The following RBFOX1 variants were observed in gnomAD, a reference collection of about 807,000 sequenced individuals.
The protein encoded by RBFOX1 is RNA binding fox-1 homolog 1.
Under a neutral mutation model 57.7 loss-of-function variants are expected in RBFOX1, and 8 were observed. The ratio of observed to expected loss-of-function variants is 0.14; its 90% CI spans 0.08 to 0.25. The LOEUF (loss-of-function observed/expected upper bound fraction) is 0.25. Ranked by LOEUF, RBFOX1 falls within the 10% of genes least tolerant of loss-of-function variation. The probability of loss-of-function intolerance (pLI) is 1.00; values close to 1 mark genes in which losing one functional copy is unlikely to be tolerated. For synonymous variants in RBFOX1, 326 were observed against 222.4 expected, an observed-to-expected ratio of 1.47 and a Z score of -4.15; for missense variants, 611 against 548.5, an observed-to-expected ratio of 1.11 and a Z score of -1.14.
At chr16:5,814,805 T>C (rs1489943606) in intron 3 of RBFOX1, among the ~76,000 whole-genome samples, 7 of 152,102 alleles carry the variant, frequency 4.6e-5, no homozygotes, top group African/African-American at 1.7e-4. Context: ...GGAGGGCGCC[T>C]GTAGTCCCAG....
intron 1 of RBFOX1, among the ~76,000 whole-genome samples, chr16:6,307,592 T>C (rs1021235234): frequency 6.7e-6 from 1 of 148,354 alleles, no homozygotes; most frequent in African/African-American, 2.4e-5. Context: ...GAAAATGATA[T>C]AACAATCTGA....
chr16:6,702,360 A>C (rs976165529), intron 3 of RBFOX1, among the ~76,000 whole-genome samples: 1 of 152,076 alleles, frequency 6.6e-6, no homozygotes, highest in African/African-American at 2.4e-5. Context: ...TCAAGACCAG[A>C]CTGGCCAACA....
chr16:7,208,621 AG>A (rs1203163887), intron 4 of RBFOX1, among the ~76,000 whole-genome samples: 1 of 152,130 alleles, frequency 6.6e-6, no homozygotes, highest in Non-Finnish European at 1.5e-5. Context: ...AGTTTGCTTC[AG>A]GGTAAGAGTT....
chr16:5,978,196 C>G (rs1022464167), intron 4 of RBFOX1, among the ~76,000 whole-genome samples: 1 of 139,178 alleles, frequency 7.2e-6, no homozygotes, highest in African/African-American at 2.7e-5. Flanking sequence ...TTCCTGTATT[C>G]CCAAATACTC....
intron 3 of RBFOX1, among the ~76,000 whole-genome samples, chr16:5,635,548 C>A (rs367780106): frequency 5.3e-5 from 8 of 152,296 alleles, no homozygotes; most frequent in African/African-American, 1.9e-4. Context: ...AATATGTATC[C>A]CATACAGATT....
intron 3 of RBFOX1, among the ~76,000 whole-genome samples, chr16:7,047,513 G>C (rs2048372826): frequency 6.6e-6 from 1 of 151,922 alleles, no homozygotes; most frequent in Non-Finnish European, 1.5e-5. Flanking sequence ...CAATATGACT[G>C]TGATATATGT....
chr16:7,260,165 C>G (rs1408155736), intron 4 of RBFOX1, among the ~76,000 whole-genome samples: 1 of 152,130 alleles, frequency 6.6e-6, no homozygotes, highest in Non-Finnish European at 1.5e-5. Flanking sequence ...ATACAGAAAT[C>G]AAACCAAGAC....
chr16:5,384,571 G>A (rs1422768059), intron 1 of RBFOX1, among the ~76,000 whole-genome samples: 1 of 152,144 alleles, frequency 6.6e-6, no homozygotes, highest in Non-Finnish European at 1.5e-5. Flanking sequence ...CCTAGAAACA[G>A]AAGAAATTTG....
chr16:6,940,959 G>T (rs998689926), intron 3 of RBFOX1, among the ~76,000 whole-genome samples: 1 of 151,606 alleles, frequency 6.6e-6, no homozygotes, highest in African/African-American at 2.4e-5. Flanking sequence ...CATCCGTCTT[G>T]GCCTCTCAAA....
chr16:7,032,085 G>A (rs540807327), intron 3 of RBFOX1, among the ~76,000 whole-genome samples: 64 of 152,192 alleles, frequency 4.2e-4, no homozygotes, highest in African/African-American at 1.2e-3. Context: ...TCGGATGGCC[G>A]TAGTGTCCCC....
intron 2 of RBFOX1, among the ~76,000 whole-genome samples, chr16:6,505,977 T>C (rs933928974): frequency 5.9e-5 from 9 of 152,100 alleles, no homozygotes; most frequent in African/African-American, 1.9e-4. Context: ...GGAAATCACA[T>C]CATCACAATA....
chr16:7,045,972 A>G (rs1212038200), intron 3 of RBFOX1, among the ~76,000 whole-genome samples: 5 of 152,088 alleles, frequency 3.3e-5, no homozygotes, highest in African/African-American at 4.8e-5. Context: ...TAAACTTTTT[A>G]TTAATTAACG....
At position 5,876,327 on chromosome 16, in the gene RBFOX1, A is replaced by AT. The variant is rs202072101; in HGVS notation, c.351+8998dup. On this transcript the variant is annotated intron_variant, in intron 4 of 19. Coordinates refer to the RBFOX1 transcript ENST00000641259. ...ATAACCCTATGAAGTACATCCTATCATTTTTTCTGTTTTACAGATGAGCAT... is the reference window on the plus strand; with the variant it reads ...ATAACCCTATGAAGTACATCCTATCATTTTTTTCTGTTTTACAGATGAGCAT... 7.8e-3 allele frequency among the ~76,000 whole-genome samples: 1,181 copies of AT among 152,066 alleles called. 25 individuals carry two copies. Among genetic ancestry groups the AT allele is most frequent in the African/African-American group, 0.027 (1,132 of 41,482 alleles).
chr16:7,706,244 C>CTT (rs1475808076), intron 14 of RBFOX1, among the ~76,000 whole-genome samples: 7 of 152,176 alleles, frequency 4.6e-5, no homozygotes. Flanking sequence ...GACATGATCT[C>CTT]TTTTCCTCTG....
upstream of RBFOX1, among the ~76,000 whole-genome samples, chr16:6,014,962 C>A (rs1054789556): frequency 4.6e-5 from 7 of 151,756 alleles, no homozygotes; most frequent in Non-Finnish European, 8.8e-5. Context: ...CTTAAGCAAT[C>A]CCCCCACCTC....
intron 3 of RBFOX1, among the ~76,000 whole-genome samples, chr16:7,032,679 T>A (rs534827847): frequency 6.6e-6 from 1 of 152,242 alleles, no homozygotes; most frequent in South Asian, 2.1e-4. Context: ...TCTCTAATAA[T>A]TCCAGTGAAC....
chr16:5,740,412 A>G (rs1169614376), intron 3 of RBFOX1, among the ~76,000 whole-genome samples: 6 of 152,260 alleles, frequency 3.9e-5, no homozygotes, highest in Non-Finnish European at 8.8e-5. Flanking sequence ...GCTAGTGCGT[A>G]TGAAGACTTG....
intron 3 of RBFOX1, among the ~76,000 whole-genome samples, chr16:5,728,100 A>C (rs924052786): frequency 1.3e-5 from 2 of 152,230 alleles, no homozygotes; most frequent in Non-Finnish European, 2.9e-5. Context: ...AATCCCACTT[A>C]CGAGTGGACA....
At chr16:7,266,304 G>A (rs2095139387) in intron 4 of RBFOX1, among the ~76,000 whole-genome samples, 1 of 151,910 alleles carries the variant, frequency 6.6e-6, no homozygotes, top group Admixed American at 6.6e-5. Context: ...TAAAGTGTGT[G>A]GCACCTTCCC....
Sources: allele counts gnomAD v4.1 joint callset (sites outside exome capture counted in the v4.1 genomes callset), GRCh38; gene constraint gnomAD v4.1.1; transcripts MANE v1.5; gene names NCBI Gene and HGNC (gene_info 2026-07-23, HGNC 2026-07-21).